The following UGT1A4 variants were observed in gnomAD, a reference collection of about 807,000 sequenced individuals.
UGT1A4 encodes UDP glucuronosyltransferase family 1 member A4.
In UGT1A4, 32 loss-of-function variants were observed where a neutral mutation model predicts 41.1. That is an observed-to-expected ratio of 0.78 (90% confidence interval 0.59 to 1.05). The LOEUF is 1.05. Among genes scored for constraint, UGT1A4 ranks in the 50% least tolerant of loss-of-function variants. UGT1A4 has a pLI of 0.00. For synonymous variants in UGT1A4, 283 were observed against 265.1 expected, an observed-to-expected ratio of 1.07 and a Z score of -0.66; for missense variants, 748 against 677.4, an observed-to-expected ratio of 1.10 and a Z score of -1.16.
intron 1 of UGT1A4, among the ~76,000 whole-genome samples, chr2:233,745,477 A>G (rs1693119079): frequency 6.6e-6 from 1 of 151,704 alleles, no homozygotes; most frequent in African/African-American, 2.4e-5. Context: ...AAAATGATTA[A>G]CCAAAGAACA....
intron 1 of UGT1A4, among the ~76,000 whole-genome samples, chr2:233,748,555 G>A (rs1257442595): frequency 2.6e-5 from 4 of 151,888 alleles, no homozygotes; most frequent in South Asian, 2.1e-4. Flanking sequence ...CTAAGCACTC[G>A]CAGGAAGTAG....
chr2:233,734,491 GT>G (rs528831440), intron 1 of UGT1A4, among the ~76,000 whole-genome samples: 1 of 151,904 alleles, frequency 6.6e-6, no homozygotes, highest in Non-Finnish European at 1.5e-5. Context: ...TTTTTTGAAG[GT>G]TTTTTTGTGT....
rs567676971 is a variant in UGT1A4 at position 233,725,173 on chromosome 2, C to T, written c.867+5486C>T. 7.4e-5 allele frequency among the ~76,000 whole-genome samples: 7 copies of T among 94,254 alleles called. 2 individuals are homozygous for T. The highest frequency in any genetic ancestry group is 3.8e-4 in the African/African-American group (6 of 15,610). 61.8% of individuals were successfully genotyped at this position (94,254 alleles called of 152,430 possible). Reference sequence around the variant, plus strand: ...CTTCGGCTCTGCATGAGAGGGAGACCGTGGGGAGAGGCAGAGGCAGAGGCA... The same window carrying T: ...CTTCGGCTCTGCATGAGAGGGAGACTGTGGGGAGAGGCAGAGGCAGAGGCA... On this transcript the variant is annotated intron_variant, in intron 1 of 4. Transcript: ENST00000373409.
At chr2:233,766,252 CGCT>C (rs1699078846) in intron 1 of UGT1A4, among the ~76,000 whole-genome samples, 1 of 151,626 alleles carries the variant, frequency 6.6e-6, no homozygotes, top group Non-Finnish European at 1.5e-5. Flanking sequence ...GGAGTCAGAC[CGCT>C]CAGTGGCCCG....
intron 1 of UGT1A4, chr2:233,756,069 T>C (rs991797292): frequency 4.6e-5 from 7 of 152,198 alleles, no homozygotes; most frequent in African/African-American, 7.2e-5. Context: ...TGTGGGAGAA[T>C]GACAATGAGA....
intron 1 of UGT1A4, chr2:233,760,455 A>T (rs2125984333): frequency 6.2e-7 from 1 of 1,614,200 alleles, no homozygotes; most frequent in Non-Finnish European, 8.5e-7. Context: ...GGGGACATGA[A>T]ATAGTTGTCC....
In UGT1A4 at chr2:233,754,546, T is replaced by C. The variant is rs548396817; in HGVS notation, c.868-12488T>C. The C allele has an allele frequency of 8.9e-5, 34 of 380,532 alleles. No homozygotes were observed. In the Middle Eastern group the frequency reaches 1.9e-3, roughly 21 times the overall value. 23.6% of individuals were successfully genotyped at this position (380,532 alleles called of 1,614,324 possible). A position where few individuals can be genotyped will look rare whatever the true frequency, so the allele number is the denominator to read the frequency against. On this transcript the variant is annotated intron_variant, in intron 1 of 4. Transcript: ENST00000373409. ...AAAGGCAAATGTGGACTGGAATTAC[T>C]TGGTGTCAATGGGGAGCAACTGCTC...
intron 1 of UGT1A4, 29 bp from the exon 2 acceptor site, chr2:233,767,005 T>C: frequency 6.2e-7 from 1 of 1,613,726 alleles, no homozygotes; most frequent in African/African-American, 1.3e-5. Flanking sequence ...TGAGAAAAAA[T>C]TAACTGAAAA....
chr2:233,738,552 A>G (rs1690828965), intron 1 of UGT1A4, among the ~76,000 whole-genome samples: 1 of 152,208 alleles, frequency 6.6e-6, no homozygotes, highest in South Asian at 2.1e-4. Flanking sequence ...TCTCAGATAG[A>G]GATGAGGAAT....
At chr2:233,738,878 T>C (rs1427489972) in intron 1 of UGT1A4, 3 of 152,250 alleles carry the variant, frequency 2.0e-5, no homozygotes, top group Admixed American at 6.5e-5. Flanking sequence ...CTCCAGGGCA[T>C]GTCAGAGACC....
intron 1 of UGT1A4, among the ~76,000 whole-genome samples, chr2:233,756,771 G>T (rs1424521769): frequency 2.0e-5 from 3 of 152,000 alleles, no homozygotes; most frequent in Admixed American, 6.5e-5. Flanking sequence ...TGGATTCTTT[G>T]CTTTGATAAA....
rs1378929014 is a variant in UGT1A4, at chr2:233,747,451, A to G, written c.868-19583A>G. On this transcript the variant is annotated intron_variant, in intron 1 of 4. Coordinates refer to ENST00000373409, the MANE Select transcript of UGT1A4 (RefSeq NM_007120.3). ...GAGAAATTTTTCACCCTGACAACCT[A>G]TGCCATTTCATGGACCCAGGATGAA... is the stretch of plus-strand genomic sequence containing the variant. 1.7e-4 allele frequency: 273 copies of G among 1,608,716 alleles called. 1 individual carries two copies. The highest frequency in any genetic ancestry group is 3.3e-5 in the Admixed American group (2 of 59,980).
intron 1 of UGT1A4, among the ~76,000 whole-genome samples, chr2:233,726,904 T>A (rs554663359): frequency 7.2e-5 from 11 of 152,324 alleles, no homozygotes; most frequent in South Asian, 4.1e-4. Flanking sequence ...CATTCAATTA[T>A]CTCCTTTTTT....
In UGT1A4 at chr2:233,732,508, T is replaced by C. The variant is rs534063439; in HGVS notation, c.867+12821T>C. The stretch of plus-strand genomic sequence containing the variant: ...TGTATAAGGCGTAAGGAAGGGATCC[T>C]GTTCCAGCTTTCTACATATGGCCAG... On this transcript the variant is annotated intron_variant, in intron 1 of 4. Coordinates refer to ENST00000373409, the MANE Select transcript of UGT1A4 (RefSeq NM_007120.3). Among the ~76,000 whole-genome samples the C allele has an allele frequency of 1.1e-4, 16 of 152,348 alleles. 1 individual carries two copies. The South Asian group carries it at 3.3e-3, about 32-fold the overall frequency.
At chr2:233,758,273 A>C (rs575144774) in intron 1 of UGT1A4, among the ~76,000 whole-genome samples, 2 of 152,350 alleles carry the variant, frequency 1.3e-5, no homozygotes, top group South Asian at 4.1e-4. Context: ...TTCTTGGTCA[A>C]GGGCAGAGCT....
intron 1 of UGT1A4, chr2:233,754,665 A>AT (rs752229414): frequency 4.5e-5 from 21 of 465,290 alleles, no homozygotes; most frequent in South Asian, 1.9e-4. Flanking sequence ...CTTGGTGGTG[A>AT]TTTTTTTACC....
At chr2:233,747,480 G>T in intron 1 of UGT1A4, 2 of 1,608,986 alleles carry the variant, frequency 1.2e-6, no homozygotes, top group Non-Finnish European at 1.7e-6. Context: ...GGATGAATTT[G>T]ATCGCCTTGT....
At chr2:233,768,541 A>G in intron 4 of UGT1A4, 102 bp downstream of exon 4, 3 of 1,492,216 alleles carry the variant, frequency 2.0e-6, no homozygotes, top group South Asian at 1.3e-5. Context: ...GTTGTTTCAA[A>G]TATAAAAACA....
intron 1 of UGT1A4, chr2:233,743,980 G>C: frequency 7.7e-7 from 1 of 1,302,864 alleles, no homozygotes; most frequent in Non-Finnish European, 1.0e-6. Context: ...CCAGCACCCA[G>C]GCGCAGGCCC....
Sources: gnomAD v4.1 joint callset for allele counts (sites outside exome capture counted in the v4.1 genomes callset) on GRCh38, gnomAD v4.1.1 for gene constraint, MANE v1.5 for transcripts, NCBI Gene and HGNC (gene_info 2026-07-23, HGNC 2026-07-21) for gene names.